Variants in CCSER1 observed in about 807,000 individuals in gnomAD.
The protein encoded by CCSER1 is coiled-coil serine rich protein 1, also known as serine-rich coiled-coil domain-containing protein 1.
A neutral mutation model predicts 82.0 loss-of-function variants in CCSER1; 41 were observed. That is an observed-to-expected ratio of 0.50 (90% CI 0.39 to 0.65). The LOEUF (loss-of-function observed/expected upper bound fraction) is 0.65, where lower values mean the gene tolerates loss of function less well. Among genes scored for constraint, CCSER1 ranks in the 30% least tolerant of loss-of-function variants. The pLI, the probability that CCSER1 is intolerant of heterozygous loss-of-function variation, is 0.00. For missense variants in CCSER1, 1,119 were observed against 1,064.2 expected (o/e 1.05, Z -0.72); for synonymous variants, 414 against 383.9 (o/e 1.08, Z -0.92).
At chr4:90,755,830 C>T (rs1426907137) in intron 7 of CCSER1, among the ~76,000 whole-genome samples, 3 of 152,148 alleles carry the variant, frequency 2.0e-5, no homozygotes, top group Non-Finnish European at 4.4e-5. Flanking sequence ...GATCCTTGCT[C>T]CTTCAGCTAA....
chr4:90,508,972 T>A (rs1771101825), intron 5 of CCSER1, among the ~76,000 whole-genome samples: 1 of 152,090 alleles, frequency 6.6e-6, no homozygotes. Context: ...ATATTTCTTT[T>A]TTAGGAAACT....
intron 9 of CCSER1, among the ~76,000 whole-genome samples, chr4:90,990,344 T>C (rs17017898): frequency 0.026 from 3,916 of 152,034 alleles, 146 homozygotes; most frequent in African/African-American, 0.085. Flanking sequence ...AGCCATGTTC[T>C]TCTTAAAATA....
intron 10 of CCSER1, among the ~76,000 whole-genome samples, chr4:91,587,606 T>A (rs1295389881): frequency 6.6e-6 from 1 of 151,806 alleles, no homozygotes; most frequent in Non-Finnish European, 1.5e-5. Flanking sequence ...ACAGATATAA[T>A]TTCTGCATAT....
intron 3 of CCSER1, among the ~76,000 whole-genome samples, chr4:90,348,034 A>G (rs1043420883): frequency 1.3e-5 from 2 of 152,176 alleles, no homozygotes; most frequent in South Asian, 4.1e-4. Flanking sequence ...CAAATACTGC[A>G]TGTTCTCACT....
chr4:91,417,791 CAT>C (rs1316891762), intron 10 of CCSER1, among the ~76,000 whole-genome samples: 3 of 151,998 alleles, frequency 2.0e-5, no homozygotes, highest in South Asian at 2.1e-4. Context: ...CACCGTGACA[CAT>C]GTTTACCTAT....
chr4:90,675,704 A>T (rs1014304740), intron 6 of CCSER1, among the ~76,000 whole-genome samples: 34 of 914 alleles, frequency 0.037, 2 homozygotes, highest in East Asian at 0.17. Flanking sequence ...TTTTTTTTTT[A>T]TGTGTTTTTT....
chr4:90,593,702 G>T (rs187679174), intron 5 of CCSER1, among the ~76,000 whole-genome samples: 1 of 151,920 alleles, frequency 6.6e-6, no homozygotes, highest in African/African-American at 2.4e-5. Flanking sequence ...TTTTCCCTGG[G>T]TGTTATATTC....
At chr4:91,146,350 C>T (rs1168176390) in intron 10 of CCSER1, among the ~76,000 whole-genome samples, 3 of 152,064 alleles carry the variant, frequency 2.0e-5, no homozygotes, top group African/African-American at 7.2e-5. Context: ...TCGATTTCAG[C>T]GTTTGGATTT....
chr4:90,193,807 C>G (rs1443389810), intron 1 of CCSER1, among the ~76,000 whole-genome samples: 1 of 151,960 alleles, frequency 6.6e-6, no homozygotes, highest in Non-Finnish European at 1.5e-5. Flanking sequence ...AAGAAAATAT[C>G]TATTGATGCT....
rs531264421 is a variant in CCSER1 at position 90,774,696 on chromosome 4, A to G, written c.2011-41066A>G. Among the ~76,000 whole-genome samples, 8 of 152,208 alleles carry G rather than the reference A, an allele frequency of 5.3e-5. No homozygotes were observed. In the East Asian group the frequency reaches 1.2e-3, roughly 22 times the overall value. On this transcript the variant is annotated intron_variant, in intron 7 of 10. Transcript: ENST00000509176. The stretch of plus-strand genomic sequence containing the variant: ...GTGCTGTTAGCCATACTGTCTAATG[A>G]AAGGTACATAATATCAACTCTGATT...
intron 10 of CCSER1, among the ~76,000 whole-genome samples, chr4:91,465,488 G>T (rs565917394): frequency 1.3e-5 from 2 of 152,062 alleles, no homozygotes; most frequent in African/African-American, 4.8e-5. Context: ...CAGAAGGCAA[G>T]AAATAACTAA....
intron 10 of CCSER1, among the ~76,000 whole-genome samples, chr4:91,549,818 G>A (rs999857576): frequency 6.6e-6 from 1 of 151,918 alleles, no homozygotes; most frequent in African/African-American, 2.4e-5. Flanking sequence ...CTGGGCAACA[G>A]AGCCAGACCC....
intron 6 of CCSER1, among the ~76,000 whole-genome samples, chr4:90,707,462 C>G (rs1739586662): frequency 6.6e-6 from 1 of 151,584 alleles, no homozygotes; most frequent in Non-Finnish European, 1.5e-5. Context: ...CCTTGGAAAT[C>G]ATTCTGCCTT....
intron 1 of CCSER1, among the ~76,000 whole-genome samples, chr4:90,296,346 GT>G (rs915148715): frequency 6.6e-6 from 1 of 151,672 alleles, no homozygotes. Flanking sequence ...TGATGGGGTT[GT>G]TTTTTTTCTT....
chr4:90,810,271 C>T (rs1432651022), intron 7 of CCSER1, among the ~76,000 whole-genome samples: 2 of 152,082 alleles, frequency 1.3e-5, no homozygotes, highest in Non-Finnish European at 2.9e-5. Flanking sequence ...CAAATTTGAT[C>T]ACCTTATATG....
At chr4:91,144,964 C>T (rs1224593200) in intron 10 of CCSER1, among the ~76,000 whole-genome samples, 1 of 152,004 alleles carries the variant, frequency 6.6e-6, no homozygotes, top group Non-Finnish European at 1.5e-5. Flanking sequence ...CTGTTGATGT[C>T]TATTAGGTCT....
intron 10 of CCSER1, among the ~76,000 whole-genome samples, chr4:91,204,964 T>C (rs2149074295): frequency 6.6e-6 from 1 of 151,862 alleles, no homozygotes; most frequent in East Asian, 1.9e-4. Flanking sequence ...TATATATGGA[T>C]GTAACATTTC....
Position 91,605,081 on chromosome 4 carries a change from A to C in CCSER1, c.*6024A>C, listed in dbSNP as rs1764915022. 6.6e-6 allele frequency: 1 copy of C among 152,054 alleles called. No individual in the cohort carries two copies. The highest frequency in any genetic ancestry group is 2.4e-5 in the African/African-American group (1 of 41,432). The allele number at this position is 152,054 out of a possible 1,614,324, so 9.4% of individuals were successfully genotyped here. ...TAAAACTTTAGTGAGAAAGATAATA[A>C]ATAGAAAATTACCCTGGAAATTAAA... On this transcript the variant is annotated 3_prime_UTR_variant, in exon 11 of 11. Transcript: ENST00000509176.
intron 9 of CCSER1, among the ~76,000 whole-genome samples, chr4:91,015,111 G>C (rs191131603): frequency 6.6e-6 from 1 of 152,138 alleles, no homozygotes; most frequent in Non-Finnish European, 1.5e-5. Context: ...ATTAACTGAT[G>C]TTAGTCTGTG....
Sources: allele counts gnomAD v4.1 joint callset (sites outside exome capture counted in the v4.1 genomes callset), GRCh38; gene constraint gnomAD v4.1.1; transcripts MANE v1.5; gene names NCBI Gene and HGNC (gene_info 2026-07-23, HGNC 2026-07-21).